Variants in DIP2C observed in about 807,000 individuals in gnomAD.
DIP2C encodes the protein disco-interacting protein 2 homolog C.
A neutral mutation model predicts 192.4 loss-of-function variants in DIP2C; 33 were observed. That is an observed-to-expected ratio of 0.17 (90% CI 0.13 to 0.23). DIP2C has a LOEUF of 0.23. Ranked by LOEUF, DIP2C falls within the 10% of genes least tolerant of loss-of-function variation. The probability of loss-of-function intolerance (pLI) is 1.00; values close to 1 mark genes in which losing one functional copy is unlikely to be tolerated. For synonymous variants in DIP2C, 979 were observed against 864.1 expected (o/e 1.13, Z -2.33); for missense variants, 1,537 against 2,110.1 (o/e 0.73, Z 5.32).
intron 1 of DIP2C, among the ~76,000 whole-genome samples, chr10:513,247 G>T (rs2130782266): frequency 6.6e-6 from 1 of 152,246 alleles, no homozygotes; most frequent in East Asian, 1.9e-4. Context: ...TTAGACAAAA[G>T]AAATAAACAT....
chr10:466,913 G>T (rs1039059691), intron 3 of DIP2C, among the ~76,000 whole-genome samples: 1 of 146,978 alleles, frequency 6.8e-6, no homozygotes, highest in Non-Finnish European at 1.5e-5. Flanking sequence ...GGAGAAATAG[G>T]AACACTTTTA....
At chr10:624,878 G>A (rs374898649) in intron 1 of DIP2C, among the ~76,000 whole-genome samples, 13 of 152,184 alleles carry the variant, frequency 8.5e-5, no homozygotes, top group African/African-American at 1.7e-4. Context: ...GAGAACCCGG[G>A]GGGGGAGCCG....
At chr10:343,731 A>T (rs2132578881) in intron 28 of DIP2C, among the ~76,000 whole-genome samples, 1 of 152,342 alleles carries the variant, frequency 6.6e-6, no homozygotes, top group South Asian at 2.1e-4. Flanking sequence ...CAACTAGAGC[A>T]AGCCTGCCCT....
chr10:673,337 C>A (rs1444198575), intron 1 of DIP2C, among the ~76,000 whole-genome samples: 1 of 152,222 alleles, frequency 6.6e-6, no homozygotes, highest in Non-Finnish European at 1.5e-5. Context: ...ACAAAGAGAG[C>A]AATGCTGTCT....
chr10:331,782 T>A (rs780489315), intron 29 of DIP2C, among the ~76,000 whole-genome samples: 1 of 152,194 alleles, frequency 6.6e-6, no homozygotes, highest in Non-Finnish European at 1.5e-5. Context: ...GGTTTAATAC[T>A]TTGAGAACAG....
intron 3 of DIP2C, among the ~76,000 whole-genome samples, chr10:469,932 C>A (rs536796942): frequency 1.3e-5 from 2 of 152,248 alleles, no homozygotes; most frequent in East Asian, 3.9e-4. Flanking sequence ...TTGGCCTACA[C>A]GAATGAACAG....
chr10:450,204 G>T (rs1461220108), intron 3 of DIP2C, among the ~76,000 whole-genome samples: 1 of 151,988 alleles, frequency 6.6e-6, no homozygotes, highest in Non-Finnish European at 1.5e-5. Flanking sequence ...TCAGGGTCTG[G>T]CACCGTGGCT....
chr10:582,520 C>T (rs1850734062), intron 1 of DIP2C, among the ~76,000 whole-genome samples: 1 of 152,166 alleles, frequency 6.6e-6, no homozygotes, highest in Non-Finnish European at 1.5e-5. Context: ...GAGGTCCAGG[C>T]TGCAGTGAGC....
intron 1 of DIP2C, among the ~76,000 whole-genome samples, chr10:544,231 G>A (rs957134361): frequency 9.2e-5 from 14 of 152,194 alleles, no homozygotes; most frequent in Non-Finnish European, 2.9e-5. Flanking sequence ...GTGACCTTTG[G>A]TGCTGGCATC....
At chr10:545,513 C>A (rs931055352) in intron 1 of DIP2C, among the ~76,000 whole-genome samples, 4 of 152,134 alleles carry the variant, frequency 2.6e-5, no homozygotes, top group Non-Finnish European at 5.9e-5. Flanking sequence ...GTGCTGCACA[C>A]ACATAAGAGA....
intron 2 of DIP2C, among the ~76,000 whole-genome samples, chr10:485,381 G>A (rs535998168): frequency 1.3e-4 from 20 of 152,266 alleles, no homozygotes; most frequent in Middle Eastern, 3.4e-3. Context: ...GAAGCCTCTC[G>A]CCCCAGCATT....
chr10:553,786 G>A (rs955849730), intron 1 of DIP2C, among the ~76,000 whole-genome samples: 8 of 149,656 alleles, frequency 5.3e-5, no homozygotes, highest in Admixed American at 2.0e-4. Context: ...AGGAGAAAAG[G>A]TATACCGCTT....
intron 29 of DIP2C, among the ~76,000 whole-genome samples, chr10:338,484 AAT>A (rs1032796636): frequency 9.9e-5 from 15 of 151,862 alleles, no homozygotes; most frequent in Admixed American, 2.0e-4. Context: ...TCTGTGTTTA[AAT>A]ATGTCTCGAC....
chr10:542,435 C>CG (rs1338285211), intron 1 of DIP2C, among the ~76,000 whole-genome samples: 3 of 152,214 alleles, frequency 2.0e-5, no homozygotes, highest in African/African-American at 7.2e-5. Flanking sequence ...CAGAAAGGAA[C>CG]GGTGTCAAAG....
At chr10:493,098 C>A (rs1588289920) in intron 1 of DIP2C, among the ~76,000 whole-genome samples, 1 of 152,354 alleles carries the variant, frequency 6.6e-6, no homozygotes, top group East Asian at 1.9e-4. Context: ...CCCTCCCTTC[C>A]AGTCCCTGGC....
intron 24 of DIP2C, among the ~76,000 whole-genome samples, chr10:354,344 T>C (rs1360822097): frequency 6.6e-6 from 1 of 152,104 alleles, no homozygotes; most frequent in African/African-American, 2.4e-5. Context: ...TGACCACAGG[T>C]GTTCAGGGAC....
At chr10:385,100 C>T (rs754430024) in intron 14 of DIP2C, among the ~76,000 whole-genome samples, 20 of 150,736 alleles carry the variant, frequency 1.3e-4, no homozygotes, top group Non-Finnish European at 2.5e-4. Context: ...GCTGCACGGG[C>T]TGGGAGGAGA....
chr10:345,423 A>C (rs986570261), intron 26 of DIP2C, among the ~76,000 whole-genome samples: 3 of 151,768 alleles, frequency 2.0e-5, no homozygotes, highest in African/African-American at 7.3e-5. Flanking sequence ...GAAACCCCAC[A>C]CACACACACC....
At position 277,581 on chromosome 10, in the gene DIP2C, A is replaced by G. The variant is rs1415023703; in HGVS notation, c.4419-4T>C. 1.6e-5 allele frequency: 26 copies of G among 1,612,538 alleles called. No homozygotes were observed. The highest frequency in any genetic ancestry group is 2.0e-5 in the Non-Finnish European group (24 of 1,179,270). The stretch of plus-strand genomic sequence containing the variant: ...ATTTGTCCAGGTAAACACAGCACTA[A>G]AAGACAGAAAAGAAAGCCATCATTA... On this transcript the variant is annotated splice_polypyrimidine_tract_variant and splice_region_variant and intron_variant, in intron 36 of 36. Transcript: ENST00000280886.
Sources: allele counts gnomAD v4.1 joint callset (sites outside exome capture counted in the v4.1 genomes callset), GRCh38; gene constraint gnomAD v4.1.1; transcripts MANE v1.5; gene names NCBI Gene and HGNC (gene_info 2026-07-23, HGNC 2026-07-21).